The following ELP6 variants were observed in gnomAD, a reference collection of about 807,000 sequenced individuals.
ELP6 encodes elongator acetyltransferase complex subunit 6.
ELP6 carries 23 observed loss-of-function variants against 28.1 expected under a neutral mutation model. That is an observed-to-expected ratio of 0.82 (90% CI 0.59 to 1.16). The LOEUF is 1.16. Ranked by LOEUF, ELP6 falls within the 50% of genes most tolerant of loss-of-function variation. ELP6 has a pLI of 0.00. For synonymous variants in ELP6, 132 were observed against 135.8 expected, an observed-to-expected ratio of 0.97 and a Z score of 0.19; for missense variants, 313 against 334.6, an observed-to-expected ratio of 0.94 and a Z score of 0.50.
At chr3:47,511,303 T>A in intron 1 of ELP6, 77 bp from the exon 2 acceptor site, 2 of 1,526,396 alleles carry the variant, frequency 1.3e-6, no homozygotes, top group Non-Finnish European at 1.8e-6. Flanking sequence ...TAGTCAATTG[T>A]GTCCACACCT....
chr3:47,499,467 C>A (rs577621080), intron 5 of ELP6, among the ~76,000 whole-genome samples: 1 of 147,368 alleles, frequency 6.8e-6, no homozygotes, highest in Non-Finnish European at 1.5e-5. Flanking sequence ...TGCAGTGAGC[C>A]GAGATCGTGC....
chr3:47,502,592 TG>T, intron 4 of ELP6: 1 of 976,326 alleles, frequency 1.0e-6, no homozygotes, highest in Non-Finnish European at 1.2e-6. Context: ...CCCAGCACTT[TG>T]GGGGGCCAGC....
intron 3 of ELP6, 130 bp downstream of exon 3, chr3:47,510,054 C>T (rs745753245): frequency 5.9e-5 from 44 of 746,344 alleles, no homozygotes; most frequent in Non-Finnish European, 9.5e-5. Context: ...GCCACCACGC[C>T]CGGCCCAATA....
intron 6 of ELP6, 185 bp from the exon 7 acceptor site, chr3:47,496,382 T>C: frequency 4.1e-6 from 4 of 985,162 alleles, no homozygotes; most frequent in Non-Finnish European, 4.8e-6. Flanking sequence ...AAATAAAGGG[T>C]TCCCCTCCAT....
intron 3 of ELP6, 156 bp downstream of exon 3, chr3:47,510,027 TG>T: frequency 1.7e-6 from 1 of 586,972 alleles, no homozygotes; most frequent in Non-Finnish European, 3.0e-6. Context: ...CCCAAAGTGC[TG>T]GGATTACAGG....
Position 47,513,428 on chromosome 3 carries a change from C to G in ELP6, c.54+109G>C, listed in dbSNP as rs533745144. 18 of 1,523,990 alleles carry G rather than the reference C, an allele frequency of 1.2e-5. No individual in the cohort carries two copies. The African/African-American group carries it at 2.2e-4, about 19-fold the overall frequency. The allele number at this position is 1,523,990 out of a possible 1,614,324, so 94.4% of individuals were successfully genotyped here. Reference sequence around the variant, plus strand: ...TGCGGACTACAACTCCCAGGTACCCCGTGCCGGGTCGTCGCGCCATTCCCC... The same window carrying G: ...TGCGGACTACAACTCCCAGGTACCCGGTGCCGGGTCGTCGCGCCATTCCCC... On this transcript the variant is annotated intron_variant, in intron 1 of 6. Transcript: ENST00000296149.
At chr3:47,498,471 A>G in intron 5 of ELP6, 39 bp from the exon 6 acceptor site, 1 of 1,603,356 alleles carries the variant, frequency 6.2e-7, no homozygotes, top group Non-Finnish European at 8.5e-7. Flanking sequence ...TCCTTACTGG[A>G]AAGGACACCC....
chr3:47,496,536 C>T (rs1156737004), intron 6 of ELP6: 1 of 952,482 alleles, frequency 1.0e-6, no homozygotes, highest in Non-Finnish European at 1.2e-6. Flanking sequence ...CACTCTGTTG[C>T]CCAGGCTGGA....
At chr3:47,511,093 A>G in intron 2 of ELP6, 55 bp downstream of exon 2, 1 of 1,502,068 alleles carries the variant, frequency 6.7e-7, no homozygotes, top group Non-Finnish European at 9.2e-7. Flanking sequence ...TTTGGTTTTT[A>G]TTATTTCTGC....
At position 47,513,644 on chromosome 3, in the gene ELP6, G is replaced by A. The variant is rs1576355053; in HGVS notation, c.-54C>T. Reference sequence around the variant, plus strand: ...GGAGAACCCGGAGTGCTGCAGAGACGACGGAGGCTGGAGAGCAAAACACAC... The same window carrying A: ...GGAGAACCCGGAGTGCTGCAGAGACAACGGAGGCTGGAGAGCAAAACACAC... On this transcript the variant is annotated 5_prime_UTR_variant, in exon 1 of 7. Transcript: ENST00000296149. The A allele has an allele frequency of 8.1e-6, 13 of 1,607,332 alleles. No homozygotes were observed. The East Asian group carries it at 1.3e-4, about 17-fold the overall frequency.
intron 5 of ELP6, chr3:47,499,965 A>G: frequency 1.5e-6 from 2 of 1,350,698 alleles, no homozygotes; most frequent in Non-Finnish European, 9.8e-7. Flanking sequence ...GTGTCGGCCA[A>G]GTTTGAGGGG....
intron 1 of ELP6, 89 bp downstream of exon 1, chr3:47,513,448 T>C (rs1467586765): frequency 1.9e-6 from 3 of 1,552,818 alleles, no homozygotes; most frequent in African/African-American, 1.4e-5. Context: ...CGTCGCGCCA[T>C]TCCCCGGGGT....
chr3:47,495,818 C>G lies in ELP6; in HGVS notation c.*251G>C. 1 of 480,772 alleles carries G rather than the reference C, an allele frequency of 2.1e-6. No homozygotes were observed. The highest frequency in any genetic ancestry group is 3.5e-6 in the Non-Finnish European group (1 of 287,200). 29.8% of individuals were successfully genotyped at this position (480,772 alleles called of 1,614,324 possible). A position where few individuals can be genotyped will look rare whatever the true frequency, so the allele number is the denominator to read the frequency against. ...TATTTAAACAAAGGCTCCAAAGGACCCCTTTCACTTGGGTCTAGCATCCAG... is the reference window on the plus strand; with the variant it reads ...TATTTAAACAAAGGCTCCAAAGGACGCCTTTCACTTGGGTCTAGCATCCAG... On this transcript the variant is annotated 3_prime_UTR_variant, in exon 7 of 7. Transcript: ENST00000296149.
intron 3 of ELP6, among the ~76,000 whole-genome samples, chr3:47,508,207 T>G (rs1202804500): frequency 6.6e-6 from 1 of 152,222 alleles, no homozygotes; most frequent in Admixed American, 6.5e-5. Flanking sequence ...GGTCCAATAG[T>G]AAGACTGGAT....
At chr3:47,509,235 T>G (rs1363259365) in intron 3 of ELP6, among the ~76,000 whole-genome samples, 2 of 152,152 alleles carry the variant, frequency 1.3e-5, no homozygotes, top group Non-Finnish European at 2.9e-5. Flanking sequence ...GTGCTGGGAT[T>G]ACAGGCATGA....
chr3:47,504,384 G>A lies in ELP6; in HGVS notation c.269C>T (p.Ala90Val). 1.2e-6 allele frequency: 2 copies of A among 1,610,238 alleles called. No individual in the cohort carries two copies. Among genetic ancestry groups the A allele is most frequent in the South Asian group, 1.1e-5 (1 of 90,348 alleles). The change falls in exon 4 of 7, where the codon GCA becomes GTA. Residue 90 changes from alanine (A) to valine (V), a missense_variant. By Grantham distance (64) the Ala-to-Val change is moderately conservative. Coordinates refer to ENST00000296149, the MANE Select transcript of ELP6 (RefSeq NM_001031703.3). The part of the protein sequence containing the change: ...QLVFLEGLKS[A>V]VDVVFQAQKE... ...TTGAGCCTGGAAGACGACGTCCACTGCAGACTTGAGTCCCTCAAGGAACAC... is the reference window on the plus strand; with the variant it reads ...TTGAGCCTGGAAGACGACGTCCACTACAGACTTGAGTCCCTCAAGGAACAC...
intron 5 of ELP6, chr3:47,500,316 G>A (rs1334759549): frequency 2.8e-5 from 24 of 868,684 alleles, no homozygotes; most frequent in African/African-American, 3.7e-5. Flanking sequence ...TTGAGAGGCC[G>A]AGGCAGTAGA....
intron 2 of ELP6, among the ~76,000 whole-genome samples, chr3:47,510,634 A>AT (rs1553658956): frequency 1.3e-5 from 2 of 152,006 alleles, no homozygotes; most frequent in Non-Finnish European, 2.9e-5. Context: ...TAATTTTTGC[A>AT]TTTTTTGTAG....
chr3:47,507,647 A>G (rs541263646), intron 3 of ELP6, among the ~76,000 whole-genome samples: 160 of 151,930 alleles, frequency 1.1e-3, no homozygotes, highest in African/African-American at 3.4e-3. Context: ...AAAAAAAAAA[A>G]AGAGAAAGAG....
Sources: gnomAD v4.1 joint callset for allele counts (sites outside exome capture counted in the v4.1 genomes callset) on GRCh38, gnomAD v4.1.1 for gene constraint, MANE v1.5 for transcripts, NCBI Gene and HGNC (gene_info 2026-07-23, HGNC 2026-07-21) for gene names.